Variants in PHF14 observed in about 807,000 individuals in gnomAD.
PHF14 encodes PHD finger protein 14.
In PHF14, 55 loss-of-function variants were observed where a neutral mutation model predicts 117.9. That is an observed-to-expected ratio of 0.47 (90% CI 0.38 to 0.58). The LOEUF is 0.58. Among genes scored for constraint, PHF14 ranks in the 20% least tolerant of loss-of-function variants. The pLI, the probability that PHF14 is intolerant of heterozygous loss-of-function variation, is 0.00. For missense variants in PHF14, 978 were observed against 1,122.2 expected, an observed-to-expected ratio of 0.87 and a Z score of 1.84; for synonymous variants, 409 against 368.6, an observed-to-expected ratio of 1.11 and a Z score of -1.26.
chr7:11,118,002 C>T (rs1248748399), intron 17 of PHF14, among the ~76,000 whole-genome samples: 4 of 151,664 alleles, frequency 2.6e-5, no homozygotes, highest in Non-Finnish European at 5.9e-5. Flanking sequence ...AGATGTATAC[C>T]ACTCAGCTGT....
intron 17 of PHF14, among the ~76,000 whole-genome samples, chr7:11,166,145 A>G (rs938629519): frequency 2.0e-5 from 3 of 152,214 alleles, no homozygotes; most frequent in Non-Finnish European, 4.4e-5. Context: ...TAACAAGTTT[A>G]AACATTAAGA....
chr7:11,083,965 C>T (rs1786273503), intron 16 of PHF14, among the ~76,000 whole-genome samples: 1 of 152,122 alleles, frequency 6.6e-6, no homozygotes, highest in African/African-American at 2.4e-5. Context: ...TAGATTCAAG[C>T]AAAGTTTATG....
At chr7:10,988,380 A>T (rs1218933609) in intron 3 of PHF14, among the ~76,000 whole-genome samples, 1 of 152,136 alleles carries the variant, frequency 6.6e-6, no homozygotes, top group Non-Finnish European at 1.5e-5. Context: ...ACTTTTTCTG[A>T]CCTTTAGAAA....
chr7:11,015,376 T>TA (rs1482631226), intron 5 of PHF14, among the ~76,000 whole-genome samples: 1 of 152,174 alleles, frequency 6.6e-6, no homozygotes, highest in Non-Finnish European at 1.5e-5. Flanking sequence ...TAAAGAATCT[T>TA]ACCTCTTCTT....
chr7:10,990,617 G>A, intron 3 of PHF14, 86 bp from the exon 4 acceptor site: 2 of 771,622 alleles, frequency 2.6e-6, no homozygotes, highest in South Asian at 2.0e-5. Flanking sequence ...ATATAATAAT[G>A]TTTAAGTAAT....
At chr7:11,044,733 T>C (rs1784611647) in intron 13 of PHF14, among the ~76,000 whole-genome samples, 2 of 152,228 alleles carry the variant, frequency 1.3e-5, no homozygotes, top group Admixed American at 1.3e-4. Context: ...CATTTTACTA[T>C]TATCTATGCT....
intron 7 of PHF14, among the ~76,000 whole-genome samples, chr7:11,029,773 C>T (rs1290906566): frequency 2.0e-5 from 3 of 152,044 alleles, no homozygotes; most frequent in Non-Finnish European, 2.9e-5. Flanking sequence ...CTTAAGCTTA[C>T]ATAGTAATGA....
intron 12 of PHF14, 86 bp downstream of exon 12, chr7:11,040,861 T>A (rs1305769177): frequency 3.2e-6 from 2 of 617,248 alleles, no homozygotes; most frequent in Non-Finnish European, 2.6e-6. Flanking sequence ...TGCAAATATT[T>A]GAGAATGAAT....
chr7:11,006,643 T>A (rs988059332), intron 4 of PHF14: 37 of 617,394 alleles, frequency 6.0e-5, no homozygotes, highest in Non-Finnish European at 9.5e-5. Context: ...AGAAACTTGA[T>A]GATGGTATAG....
At chr7:11,112,147 G>A (rs1448456895) in intron 17 of PHF14, among the ~76,000 whole-genome samples, 3 of 152,162 alleles carry the variant, frequency 2.0e-5, no homozygotes, top group African/African-American at 7.2e-5. Flanking sequence ...GACTGATTTG[G>A]CAGAAATACT....
chr7:11,054,093 T>G (rs1784937656), intron 14 of PHF14, among the ~76,000 whole-genome samples: 1 of 152,044 alleles, frequency 6.6e-6, no homozygotes, highest in Non-Finnish European at 1.5e-5. Context: ...CTTGTTTTTA[T>G]CAAAAAAGCA....
At chr7:11,108,211 TTTCAA>T (rs996443802) in intron 16 of PHF14, 1 of 151,766 alleles carries the variant, frequency 6.6e-6, no homozygotes, top group African/African-American at 2.4e-5. Flanking sequence ...CTATGGATTT[TTTCAA>T]TTCAATATTC....
At chr7:11,089,256 G>C (rs913897730) in intron 16 of PHF14, among the ~76,000 whole-genome samples, 2 of 152,130 alleles carry the variant, frequency 1.3e-5, no homozygotes, top group African/African-American at 2.4e-5. Flanking sequence ...AGCTGTTTGC[G>C]TATGTAATTT....
chr7:11,106,537 T>C (rs1462126470), intron 16 of PHF14: 1 of 980,024 alleles, frequency 1.0e-6, no homozygotes, highest in African/African-American at 1.8e-5. Context: ...ATGCAGAATT[T>C]TGTGCAAGCT....
chr7:10,978,488 A>G (rs565902339), intron 2 of PHF14, among the ~76,000 whole-genome samples: 3 of 152,250 alleles, frequency 2.0e-5, no homozygotes, highest in African/African-American at 7.2e-5. Context: ...AAAAGTGTTG[A>G]GACTTGGAAT....
intron 4 of PHF14, among the ~76,000 whole-genome samples, chr7:11,011,840 A>G (rs573916237): frequency 1.2e-4 from 19 of 152,336 alleles, no homozygotes; most frequent in African/African-American, 2.9e-4. Flanking sequence ...AGTCATGACT[A>G]TCATCAGTAG....
chr7:11,133,317 G>A (rs1371341111), intron 17 of PHF14, among the ~76,000 whole-genome samples: 1 of 151,810 alleles, frequency 6.6e-6, no homozygotes, highest in Admixed American at 6.6e-5. Context: ...TAAAGCTACA[G>A]TAATCAAGAC....
intron 13 of PHF14, among the ~76,000 whole-genome samples, chr7:11,046,161 TTA>T (rs1406636851): frequency 1.3e-5 from 2 of 152,186 alleles, no homozygotes; most frequent in East Asian, 3.8e-4. Flanking sequence ...CATTTTTAGT[TTA>T]TGTTATTTTG....
At chr7:11,065,257 G>A (rs546175383) in intron 16 of PHF14, among the ~76,000 whole-genome samples, 3 of 151,868 alleles carry the variant, frequency 2.0e-5, no homozygotes, top group Non-Finnish European at 4.4e-5. Context: ...GCTATTTAAT[G>A]CAATCTAAAT....
Sources: gnomAD v4.1 joint callset for allele counts (sites outside exome capture counted in the v4.1 genomes callset) on GRCh38, gnomAD v4.1.1 for gene constraint, MANE v1.5 for transcripts, NCBI Gene and HGNC (gene_info 2026-07-23, HGNC 2026-07-21) for gene names.